Variants in PSPH observed in about 807,000 individuals in gnomAD.
The protein encoded by PSPH is phosphoserine phosphatase.
A neutral mutation model predicts 23.4 loss-of-function variants in PSPH; 16 were observed. The observed-to-expected ratio is 0.68, with a 90% confidence interval of 0.46 to 1.04. PSPH has a LOEUF of 1.04. Among genes scored for constraint, PSPH ranks in the 50% least tolerant of loss-of-function variants. The probability of loss-of-function intolerance (pLI) is 0.00; values close to 1 mark genes in which losing one functional copy is unlikely to be tolerated. For synonymous variants in PSPH, 68 were observed against 99.7 expected, an observed-to-expected ratio of 0.68 and a Z score of 1.89; for missense variants, 223 against 273.7, an observed-to-expected ratio of 0.81 and a Z score of 1.31.
At chr7:56,045,702 A>G (rs1415562623) in intron 1 of PSPH, among the ~76,000 whole-genome samples, 2 of 151,922 alleles carry the variant, frequency 1.3e-5, no homozygotes. Flanking sequence ...CCTGGCCAAC[A>G]TGGTGAAACC....
chr7:56,015,286 G>T, intron 6 of PSPH, 115 bp from the exon 7 acceptor site: 1 of 1,185,682 alleles, frequency 8.4e-7, no homozygotes, highest in Non-Finnish European at 1.3e-6. Flanking sequence ...AAAAATGGCC[G>T]TCGGTAAAGT....
intron 1 of PSPH, among the ~76,000 whole-genome samples, chr7:56,050,501 A>T (rs1793878441): frequency 6.6e-6 from 1 of 152,136 alleles, no homozygotes; most frequent in South Asian, 2.1e-4. Flanking sequence ...CCCGGGCACA[A>T]GTGATGCCCC....
At chr7:56,012,783 C>T (rs1319573181) in intron 7 of PSPH, among the ~76,000 whole-genome samples, 3 of 145,542 alleles carry the variant, frequency 2.1e-5, no homozygotes, top group Admixed American at 6.9e-5. Context: ...TTTGTAGAGA[C>T]GGGGTTTCAC....
intron 1 of PSPH, among the ~76,000 whole-genome samples, chr7:56,050,838 T>G (rs1266156399): frequency 1.3e-5 from 2 of 152,184 alleles, no homozygotes; most frequent in East Asian, 1.9e-4. Flanking sequence ...TTTCACTACA[T>G]GCCCTTTGGT....
intron 3 of PSPH, among the ~76,000 whole-genome samples, chr7:56,021,949 CAA>C (rs753210160): frequency 7.2e-5 from 3 of 41,828 alleles, no homozygotes; most frequent in African/African-American, 1.9e-4. Context: ...GACTCCGTCT[CAA>C]AAAAAAAAAA....
At chr7:56,039,646 C>T (rs765907487) in intron 1 of PSPH, among the ~76,000 whole-genome samples, 3 of 150,650 alleles carry the variant, frequency 2.0e-5, no homozygotes, top group Admixed American at 6.7e-5. Context: ...CATGGTAGTA[C>T]GTGCCTGTAG....
At chr7:56,042,448 C>G (rs1792676680) in intron 1 of PSPH, among the ~76,000 whole-genome samples, 1 of 151,894 alleles carries the variant, frequency 6.6e-6, no homozygotes, top group Admixed American at 6.6e-5. Flanking sequence ...GCCAGGAGTT[C>G]AAGACCAGCA....
chr7:56,013,154 T>TACACACACACAC (rs1491339226), intron 7 of PSPH, among the ~76,000 whole-genome samples: 8 of 72,396 alleles, frequency 1.1e-4, no homozygotes, highest in Non-Finnish European at 1.5e-4. Flanking sequence ...TGTGTATGTG[T>TACACACACACAC]ATACACACAC....
At chr7:56,030,699 G>A (rs994265585) in intron 3 of PSPH, among the ~76,000 whole-genome samples, 10 of 151,442 alleles carry the variant, frequency 6.6e-5, no homozygotes, top group Non-Finnish European at 1.5e-5. Flanking sequence ...AAGAGTTCAA[G>A]ACCAGCCTGG....
At chr7:56,033,350 TAAAA>T in intron 2 of PSPH, 1 of 150,946 alleles carries the variant, frequency 6.6e-6, no homozygotes, top group Non-Finnish European at 1.5e-5. Flanking sequence ...ATACAAAAAT[TAAAA>T]AATTAGTTAG....
intron 7 of PSPH, among the ~76,000 whole-genome samples, chr7:56,012,166 C>G (rs1448295972): frequency 1.3e-5 from 2 of 150,888 alleles, no homozygotes; most frequent in Non-Finnish European, 2.9e-5. Context: ...TACAGGTATG[C>G]TCCACTGCAC....
At chr7:56,046,779 G>A (rs185445191) in intron 1 of PSPH, among the ~76,000 whole-genome samples, 382 of 139,330 alleles carry the variant, frequency 2.7e-3, no homozygotes, top group African/African-American at 5.2e-3. Flanking sequence ...GTGAGAATGA[G>A]CAGAGTGAGA....
intron 1 of PSPH, among the ~76,000 whole-genome samples, chr7:56,045,070 C>T (rs1430705635): frequency 2.6e-5 from 2 of 77,540 alleles, no homozygotes; most frequent in Non-Finnish European, 5.5e-5. Context: ...GAAACTCTGC[C>T]TCAAAAAAAA....
chr7:56,029,024 A>G lies in PSPH; in HGVS notation c.-20+2905T>C, dbSNP rs1480958580. The stretch of plus-strand genomic sequence containing the variant: ...GAGATGGGGTTTCACCATATTGGCC[A>G]GGCTGGTCTCAAACTCCTGACCTCA... On this transcript the variant is annotated intron_variant, in intron 3 of 7. Transcript: ENST00000275605. 2.0e-5 allele frequency among the ~76,000 whole-genome samples: 3 copies of G among 151,930 alleles called. No individual in the cohort carries two copies. In the East Asian group the frequency reaches 5.8e-4, roughly 30 times the overall value.
At chr7:56,033,557 T>A (rs1791327759) in intron 2 of PSPH, 2 of 151,386 alleles carry the variant, frequency 1.3e-5, no homozygotes, top group South Asian at 4.2e-4. Flanking sequence ...ATATATTTAA[T>A]GAATGAAAGC....
chr7:56,046,257 C>T (rs904424974), intron 1 of PSPH, among the ~76,000 whole-genome samples: 8 of 152,138 alleles, frequency 5.3e-5, no homozygotes, highest in African/African-American at 1.9e-4. Context: ...CTGCCTCAGC[C>T]TCCTGAGTAG....
rs1383756298 is a variant in PSPH at position 56,015,021 on chromosome 7, A to G, written c.570+2T>C. Reference sequence around the variant, plus strand: ...AAAAAAATTAGCACCCTTAATACATACAGCAGGAGGACAGGCTTCCATATC... The same window carrying G: ...AAAAAAATTAGCACCCTTAATACATGCAGCAGGAGGACAGGCTTCCATATC... On this transcript the variant is annotated splice_donor_variant, in intron 7 of 7. Transcript: ENST00000275605. LOFTEE classifies it high-confidence loss of function. The G allele has an allele frequency of 6.2e-7, 1 of 1,613,866 alleles. No homozygotes were observed. The highest frequency in any genetic ancestry group is 8.5e-7 in the Non-Finnish European group (1 of 1,179,900).
chr7:56,035,238 G>C (rs759566561), intron 1 of PSPH, among the ~76,000 whole-genome samples: 7 of 152,094 alleles, frequency 4.6e-5, no homozygotes, highest in Non-Finnish European at 1.0e-4. Flanking sequence ...CTACTTGGTA[G>C]GCTGAGGCAG....
In PSPH at chr7:56,011,843, A is replaced by C. The variant is rs1324086852; in HGVS notation, c.597T>G (p.Asn199Lys). The C allele has an allele frequency of 2.3e-5, 37 of 1,611,980 alleles. No homozygotes were observed. Among genetic ancestry groups the C allele is most frequent in the Non-Finnish European group, 3.0e-5 (35 of 1,178,300 alleles). ...PADAFIGFGG[N>K]VIRQQVKDNA... ...TATCCTTGACTTGTTGCCTGATCAC[A>C]TTTCCTCCAAATCCAATGAAAGCAT... The change falls in exon 8 of 8, where the codon AAT (asparagine) becomes AAG (lysine). Residue 199 changes from asparagine (N) to lysine (K), a missense_variant. Asn to Lys is a moderately conservative substitution (Grantham distance 94). Coordinates refer to ENST00000275605, the MANE Select transcript of PSPH (RefSeq NM_004577.4).
Sources: allele counts gnomAD v4.1 joint callset (sites outside exome capture counted in the v4.1 genomes callset), GRCh38; gene constraint gnomAD v4.1.1; transcripts MANE v1.5; gene names NCBI Gene and HGNC (gene_info 2026-07-23, HGNC 2026-07-21).